The following SNX19 variants were observed in gnomAD, a reference collection of about 807,000 sequenced individuals.
SNX19 encodes the protein sorting nexin 19.
A neutral mutation model predicts 85.2 loss-of-function variants in SNX19; 60 were observed. The ratio of observed to expected loss-of-function variants is 0.70; its 90% confidence interval spans 0.57 to 0.87. The LOEUF is 0.87. Among genes scored for constraint, SNX19 ranks in the 40% least tolerant of loss-of-function variants. SNX19 has a pLI of 0.00. For missense variants in SNX19, 1,201 were observed against 1,217.8 expected, an observed-to-expected ratio of 0.99 and a Z score of 0.21; for synonymous variants, 520 against 470.0, an observed-to-expected ratio of 1.11 and a Z score of -1.38.
chr11:130,889,304 T>C (rs933492013), intron 8 of SNX19, among the ~76,000 whole-genome samples: 4 of 152,108 alleles, frequency 2.6e-5, no homozygotes, highest in Non-Finnish European at 4.4e-5. Context: ...TGATGCTGAC[T>C]CTTTTTCTTC....
In SNX19 at chr11:130,915,637, C is replaced by T. The variant is rs555273761; in HGVS notation, c.303G>A (p.Glu101=). Reference sequence around the variant, plus strand: ...TAATCATCTGGATGGTGCGGTTGATCTCCCGTTCCAGCTGCCTTTCTGCCT... The same window carrying T: ...TAATCATCTGGATGGTGCGGTTGATTTCCCGTTCCAGCTGCCTTTCTGCCT... ...CPEAERQLER[E]INRTIQMIIR... Residue 101 remains glutamate, a synonymous_variant, in exon 1 of 11, where the codon GAG becomes GAA. Transcript: ENST00000265909. 7 of 1,614,142 alleles carry T rather than the reference C, an allele frequency of 4.3e-6. No homozygotes were observed. Among genetic ancestry groups the T allele is most frequent in the South Asian group, 2.2e-5 (2 of 91,092 alleles).
At chr11:130,903,931 G>C (rs1364307662) in intron 7 of SNX19, among the ~76,000 whole-genome samples, 3 of 141,664 alleles carry the variant, frequency 2.1e-5, no homozygotes, top group Non-Finnish European at 4.4e-5. Context: ...GCAGAAGTGG[G>C]GAAAGAGTTG....
At position 130,874,773 on chromosome 11, in the gene SNX19, C is replaced by G. The variant is rs950055996; in HGVS notation, c.*3649G>C. Among the ~76,000 whole-genome samples the G allele has an allele frequency of 4.6e-5, 7 of 152,080 alleles. No individual in the cohort carries two copies. Among genetic ancestry groups the G allele is most frequent in the African/African-American group, 1.7e-4 (7 of 41,394 alleles). The stretch of plus-strand genomic sequence containing the variant: ...AACCTGGGTAGGACACAGGAAGACT[C>G]AAAAATGTTCTAGGCTATGCAAATC... On this transcript the variant is annotated 3_prime_UTR_variant, in exon 11 of 11. Transcript: ENST00000265909.
chr11:130,895,736 C>T (rs1944831656), intron 8 of SNX19, among the ~76,000 whole-genome samples: 1 of 152,178 alleles, frequency 6.6e-6, no homozygotes, highest in Non-Finnish European at 1.5e-5. Context: ...AATGCAAATG[C>T]AATGCTCAGG....
chr11:130,900,185 T>G lies in SNX19; in HGVS notation c.2573+3070A>C, dbSNP rs1201198266. Among the ~76,000 whole-genome samples, 4 of 152,318 alleles carry G rather than the reference T, an allele frequency of 2.6e-5. No individual in the cohort carries two copies. In the East Asian group the frequency reaches 7.7e-4, roughly 29 times the overall value. ...TTAGCCAAGCACGGTGGTGTGTGCC[T>G]GTAGTCCTAGCTACCTGGGAGGCTG... On this transcript the variant is annotated intron_variant, in intron 8 of 10. Coordinates refer to ENST00000265909, the MANE Select transcript of SNX19 (RefSeq NM_014758.3).
intron 8 of SNX19, among the ~76,000 whole-genome samples, chr11:130,892,567 T>C (rs1267133600): frequency 6.6e-6 from 1 of 152,258 alleles, no homozygotes; most frequent in African/African-American, 2.4e-5. Context: ...TTGCATTTCA[T>C]GCCTCAGTTT....
chr11:130,907,909 T>C (rs927749271), intron 5 of SNX19, 44 bp downstream of exon 5: 3 of 1,608,246 alleles, frequency 1.9e-6, no homozygotes, highest in East Asian at 4.5e-5. Context: ...GGGGATCAAT[T>C]TGAGAACTGG....
At chr11:130,911,088 T>C (rs983261844) in intron 2 of SNX19, among the ~76,000 whole-genome samples, 3 of 150,852 alleles carry the variant, frequency 2.0e-5, no homozygotes, top group Admixed American at 6.6e-5. Flanking sequence ...CTAGCTACTC[T>C]GGAGGCTGAG....
chr11:130,907,816 C>G, intron 5 of SNX19, 137 bp downstream of exon 5: 6 of 1,341,288 alleles, frequency 4.5e-6, no homozygotes, highest in Non-Finnish European at 6.1e-6. Context: ...AGCCTGGGGT[C>G]TAGCTTTGCC....
chr11:130,904,938 G>A (rs1262116081), intron 7 of SNX19, among the ~76,000 whole-genome samples: 3 of 152,118 alleles, frequency 2.0e-5, no homozygotes, highest in Non-Finnish European at 4.4e-5. Context: ...GTGAAGGGAT[G>A]GGGCTGTCAA....
chr11:130,881,860 T>C (rs1943700151), intron 8 of SNX19, among the ~76,000 whole-genome samples: 1 of 152,230 alleles, frequency 6.6e-6, no homozygotes, highest in African/African-American at 2.4e-5. Context: ...TAAAGGTGTT[T>C]ATAGCTTTAC....
At chr11:130,895,810 C>T (rs779780488) in intron 8 of SNX19, among the ~76,000 whole-genome samples, 16 of 152,186 alleles carry the variant, frequency 1.1e-4, no homozygotes, top group Non-Finnish European at 2.4e-4. Context: ...TAGAGACTGT[C>T]ACTATGTGAC....
In SNX19 at chr11:130,910,055, A is replaced by C; in HGVS notation, c.1997T>G (p.Phe666Cys). The C allele has an allele frequency of 1.9e-6, 3 of 1,614,066 alleles. No homozygotes were observed. Among genetic ancestry groups the C allele is most frequent in the Non-Finnish European group, 2.5e-6 (3 of 1,180,030 alleles). ...LALNTDARIA[F>C]VKKPFMVSRI... The stretch of plus-strand genomic sequence containing the variant: ...AGAGACCATAAATGGTTTCTTGACA[A>C]AGGCAATACGAGCATCTGTGTTCAG... The change falls in exon 4 of 11, where the codon TTT (phenylalanine) becomes TGT (cysteine). Residue 666 changes from phenylalanine to cysteine, a missense_variant. Around this residue, in one of 3 missense-constraint regions of SNX19, gnomAD observed 125 missense variants for 171.6 expected, o/e 0.73. Transcript: ENST00000265909.
chr11:130,898,823 G>A (rs1014100090), intron 8 of SNX19, among the ~76,000 whole-genome samples: 17 of 151,574 alleles, frequency 1.1e-4, no homozygotes, highest in Admixed American at 8.5e-4. Context: ...GTGTAGATAC[G>A]GAGATGCAGT....
At chr11:130,905,043 TC>T (rs1945555239) in intron 7 of SNX19, among the ~76,000 whole-genome samples, 1 of 152,212 alleles carries the variant, frequency 6.6e-6, no homozygotes, top group South Asian at 2.1e-4. Context: ...ATCAGCTTTT[TC>T]CCCAGTTTTG....
intron 7 of SNX19, chr11:130,905,720 C>A (rs1211855501): frequency 6.5e-7 from 1 of 1,535,140 alleles, no homozygotes; most frequent in African/African-American, 1.4e-5. Context: ...TCTCATCCTG[C>A]TGGATTAGAA....
chr11:130,894,797 A>C (rs1184457441), intron 8 of SNX19: 4 of 985,342 alleles, frequency 4.1e-6, no homozygotes, highest in Non-Finnish European at 4.8e-6. Flanking sequence ...CTAGAATATT[A>C]TTTAGCCTAA....
chr11:130,890,983 T>C (rs1944457411), intron 8 of SNX19, among the ~76,000 whole-genome samples: 1 of 151,658 alleles, frequency 6.6e-6, no homozygotes, highest in Admixed American at 6.6e-5. Context: ...ATTCATGCTG[T>C]ATATGGGACA....
Position 130,915,448 on chromosome 11 carries a change from A to T in SNX19, c.492T>A (p.Cys164Ter). The T allele has an allele frequency of 6.2e-7, 1 of 1,614,040 alleles. No individual in the cohort carries two copies. The highest frequency in any genetic ancestry group is 8.5e-7 in the Non-Finnish European group (1 of 1,180,030). ...VAQSVLTLCG[C>*]HLQSYIQAKE... ...TTGCCTGAATGTAGCTCTGCAGGTGACAACCGCAGAGAGTCAGAACACTCT... is the reference window on the plus strand; with the variant it reads ...TTGCCTGAATGTAGCTCTGCAGGTGTCAACCGCAGAGAGTCAGAACACTCT... Residue 164 changes from cysteine to a stop codon, truncating the protein, a stop_gained, in exon 1 of 11, where the codon TGT (cysteine) becomes TGA (stop). Transcript: ENST00000265909. LOFTEE classifies it high-confidence loss of function.
Sources: allele counts gnomAD v4.1 joint callset (sites outside exome capture counted in the v4.1 genomes callset), GRCh38; gene constraint gnomAD v4.1.1; regional missense constraint gnomAD v4.1.1; transcripts MANE v1.5; gene names NCBI Gene and HGNC (gene_info 2026-07-23, HGNC 2026-07-21).